The following KCNH1 variants were observed in gnomAD, a reference collection of about 807,000 sequenced individuals.
KCNH1 encodes voltage-gated delayed rectifier potassium channel KCNH1.
A neutral mutation model predicts 69.2 loss-of-function variants in KCNH1; 27 were observed. That is an observed-to-expected ratio of 0.39 (90% confidence interval 0.29 to 0.54). The LOEUF (loss-of-function observed/expected upper bound fraction) is 0.54. Among genes scored for constraint, KCNH1 ranks in the 20% least tolerant of loss-of-function variants. The pLI, the probability that KCNH1 is intolerant of heterozygous loss-of-function variation, is 0.68. For missense variants in KCNH1, 798 were observed against 1,261.6 expected, an observed-to-expected ratio of 0.63 and a Z score of 5.57; for synonymous variants, 456 against 487.7, an observed-to-expected ratio of 0.93 and a Z score of 0.86.
Position 210,834,236 on chromosome 1 carries a change from G to A in KCNH1, c.1463-30070C>T, listed in dbSNP as rs955521352. On this transcript the variant is annotated intron_variant, in intron 7 of 10. Coordinates refer to ENST00000271751, the MANE Select transcript of KCNH1 (RefSeq NM_172362.3). Reference sequence around the variant, plus strand: ...TGCTGCTATAAAGACACATGCACACGTATGTTTATTGTGGCACTATTCACA... The same window carrying A: ...TGCTGCTATAAAGACACATGCACACATATGTTTATTGTGGCACTATTCACA... Among the ~76,000 whole-genome samples the A allele has an allele frequency of 3.5e-3, 526 of 151,276 alleles. 4 individuals are homozygous for A. The highest frequency in any genetic ancestry group is 0.012 in the African/African-American group (502 of 41,170).
At chr1:210,856,877 C>CTATATATATACATA (rs1685857191) in intron 7 of KCNH1, among the ~76,000 whole-genome samples, 1 of 101,732 alleles carries the variant, frequency 9.8e-6, no homozygotes, top group Non-Finnish European at 2.0e-5. Flanking sequence ...ATATAACCCA[C>CTATATATATACATA]TATATATATA....
At chr1:211,002,789 G>A (rs769463914) in intron 6 of KCNH1, among the ~76,000 whole-genome samples, 1 of 152,254 alleles carries the variant, frequency 6.6e-6, no homozygotes, top group East Asian at 1.9e-4. Flanking sequence ...AAGAGAAAAG[G>A]TTAAAAAATA....
intron 10 of KCNH1, among the ~76,000 whole-genome samples, chr1:210,692,220 G>A (rs1024761938): frequency 6.6e-6 from 1 of 152,170 alleles, no homozygotes; most frequent in Admixed American, 6.5e-5. Context: ...CTAGACTGGT[G>A]GGCATGGGCA....
chr1:210,958,493 C>A (rs1024166546), intron 6 of KCNH1, among the ~76,000 whole-genome samples: 1 of 152,190 alleles, frequency 6.6e-6, no homozygotes, highest in Non-Finnish European at 1.5e-5. Flanking sequence ...GGATAATATC[C>A]TGCAGAGTGT....
intron 5 of KCNH1, among the ~76,000 whole-genome samples, chr1:211,032,435 A>G (rs1453716214): frequency 6.6e-6 from 1 of 152,204 alleles, no homozygotes; most frequent in East Asian, 1.9e-4. Flanking sequence ...TGGAACCAAA[A>G]AAGAGCCGGC....
intron 7 of KCNH1, among the ~76,000 whole-genome samples, chr1:210,845,820 C>T (rs1172885279): frequency 6.6e-5 from 10 of 152,124 alleles, no homozygotes; most frequent in Non-Finnish European, 1.2e-4. Flanking sequence ...GATTGTATAT[C>T]TAGAAAACCC....
intron 6 of KCNH1, among the ~76,000 whole-genome samples, chr1:210,978,107 C>T (rs1393024464): frequency 3.3e-5 from 5 of 150,024 alleles, no homozygotes; most frequent in African/African-American, 9.8e-5. Flanking sequence ...GGTGCGATCT[C>T]GGCTCACTGC....
At chr1:211,065,445 TAG>T (rs1424047530) in intron 5 of KCNH1, among the ~76,000 whole-genome samples, 1 of 151,914 alleles carries the variant, frequency 6.6e-6, no homozygotes, top group Non-Finnish European at 1.5e-5. Flanking sequence ...TGAATAGAAG[TAG>T]AGAGTAGACT....
intron 7 of KCNH1, among the ~76,000 whole-genome samples, chr1:210,810,067 C>T (rs544676177): frequency 6.8e-4 from 104 of 152,112 alleles, no homozygotes; most frequent in African/African-American, 2.4e-3. Flanking sequence ...CTTGGTTTAC[C>T]CCTTTCTCTC....
rs371109719 is a variant in KCNH1 at position 211,079,707 on chromosome 1, C to T, written c.558+3073G>A. ...TAATCCATCATATAAACAGAACCAA[C>T]GACAAAAACTACATGATTATCTCCA... On this transcript the variant is annotated intron_variant, in intron 5 of 10. Coordinates refer to ENST00000271751, the MANE Select transcript of KCNH1 (RefSeq NM_172362.3). Among the ~76,000 whole-genome samples, 348 of 152,164 alleles carry T rather than the reference C, an allele frequency of 2.3e-3. 1 individual carries two copies. The highest frequency in any genetic ancestry group is 3.2e-3 in the Non-Finnish European group (217 of 67,992).
intron 7 of KCNH1, among the ~76,000 whole-genome samples, chr1:210,837,487 C>G (rs561924055): frequency 6.6e-6 from 1 of 152,184 alleles, no homozygotes; most frequent in South Asian, 2.1e-4. Flanking sequence ...AATAAAATAG[C>G]GACCTGAAGA....
chr1:211,037,035 G>A (rs1689912538), intron 5 of KCNH1, among the ~76,000 whole-genome samples: 1 of 152,182 alleles, frequency 6.6e-6, no homozygotes, highest in South Asian at 2.1e-4. Flanking sequence ...AAGGAAAAAA[G>A]GGTTTTTCTC....
intron 1 of KCNH1, among the ~76,000 whole-genome samples, chr1:211,129,557 T>G (rs558554701): frequency 1.3e-5 from 2 of 152,318 alleles, no homozygotes; most frequent in East Asian, 3.9e-4. Context: ...TTTTGACACT[T>G]TCAGAGAAAG....
chr1:210,967,227 A>G (rs576384235), intron 6 of KCNH1, among the ~76,000 whole-genome samples: 23 of 152,094 alleles, frequency 1.5e-4, no homozygotes, highest in Admixed American at 2.6e-4. Context: ...AATGTAGATC[A>G]TGGGCTGATG....
intron 6 of KCNH1, among the ~76,000 whole-genome samples, chr1:210,969,815 C>T (rs919998564): frequency 6.6e-5 from 10 of 151,962 alleles, no homozygotes; most frequent in African/African-American, 2.4e-4. Flanking sequence ...TCATTGAATG[C>T]TTGTTATTTT....
chr1:210,951,307 G>A (rs533413001), intron 6 of KCNH1, among the ~76,000 whole-genome samples: 1 of 152,320 alleles, frequency 6.6e-6, no homozygotes, highest in South Asian at 2.1e-4. Context: ...AAAACATAAA[G>A]AGGAAACTAC....
At chr1:210,862,021 T>C (rs1039575142) in intron 7 of KCNH1, 1 of 776,746 alleles carries the variant, frequency 1.3e-6, no homozygotes, top group African/African-American at 1.7e-5. Flanking sequence ...TCAAATACAA[T>C]GGCAATCTTC....
At chr1:210,933,226 A>T (rs1687710229) in intron 6 of KCNH1, among the ~76,000 whole-genome samples, 2 of 152,194 alleles carry the variant, frequency 1.3e-5, no homozygotes, top group South Asian at 4.1e-4. Flanking sequence ...ACATGGATGA[A>T]ATTGGAAATC....
At chr1:210,846,006 G>A (rs1388541821) in intron 7 of KCNH1, among the ~76,000 whole-genome samples, 1 of 152,048 alleles carries the variant, frequency 6.6e-6, no homozygotes, top group Admixed American at 6.6e-5. Flanking sequence ...AAAATACCTG[G>A]GAATCCAACT....
Sources: gnomAD v4.1 joint callset for allele counts (sites outside exome capture counted in the v4.1 genomes callset) on GRCh38, gnomAD v4.1.1 for gene constraint, MANE v1.5 for transcripts, NCBI Gene and HGNC (gene_info 2026-07-23, HGNC 2026-07-21) for gene names.